SUGP1: variants seen among roughly 807,000 people sequenced by gnomAD.
SUGP1 encodes SURP and G-patch domain-containing protein 1.
SUGP1 carries 34 observed loss-of-function variants against 76.5 expected under a neutral mutation model. That is an observed-to-expected ratio of 0.44 (90% CI 0.34 to 0.59). SUGP1 has a LOEUF of 0.59. SUGP1 is among the 20% of genes least tolerant of loss of function. The pLI is 0.01. For missense variants in SUGP1, 752 were observed against 851.7 expected, an observed-to-expected ratio of 0.88 and a Z score of 1.46; for synonymous variants, 326 against 326.2, an observed-to-expected ratio of 1.00 and a Z score of 0.01.
chr19:19,279,164 A>AG (rs1311518316), intron 10 of SUGP1, 49 bp downstream of exon 10: 4 of 1,512,176 alleles, frequency 2.6e-6, no homozygotes, highest in East Asian at 4.7e-5. Context: ...AGGGCAGGTG[A>AG]GGGGGGCCAT....
chr19:19,289,394 G>A, intron 8 of SUGP1, among the ~76,000 whole-genome samples: 1 of 151,878 alleles, frequency 6.6e-6, no homozygotes, highest in South Asian at 2.1e-4. Context: ...TTGAGGTCAG[G>A]AGTTTGAGAC....
chr19:19,318,858 G>A (rs2061414249), intron 1 of SUGP1, among the ~76,000 whole-genome samples: 1 of 152,132 alleles, frequency 6.6e-6, no homozygotes, highest in Non-Finnish European at 1.5e-5. Flanking sequence ...TTCAGACTAG[G>A]GTGATAGTAT....
intron 2 of SUGP1, among the ~76,000 whole-genome samples, chr19:19,314,101 C>A (rs1027351064): frequency 6.6e-6 from 1 of 151,892 alleles, no homozygotes; most frequent in Non-Finnish European, 1.5e-5. Context: ...CACACCACTG[C>A]ACTCCAGCCT....
rs972276195 is a variant in SUGP1, at chr19:19,305,507, A to G, written c.538+342T>C. ...AAGGGCTCAGCGGAAGAGCCTTAGA[A>G]GCTCCTCCTAGAAGGGATGTGAGGA... is the stretch of plus-strand genomic sequence containing the variant. On this transcript the variant is annotated intron_variant, in intron 4 of 13. Coordinates refer to ENST00000247001, the MANE Select transcript of SUGP1 (RefSeq NM_172231.4). The G allele has an allele frequency of 2.1e-5, 4 of 193,364 alleles. 1 individual carries two copies. In the South Asian group the frequency reaches 5.1e-4, roughly 25 times the overall value. 12.0% of individuals were successfully genotyped at this position (193,364 alleles called of 1,614,324 possible).
In SUGP1 at chr19:19,303,437, T is replaced by C. The variant is rs1481902986; in HGVS notation, c.674A>G (p.Asp225Gly). 20 of 1,614,058 alleles carry C rather than the reference T, an allele frequency of 1.2e-5. No individual in the cohort carries two copies. The highest frequency in any genetic ancestry group is 4.5e-5 in the East Asian group (2 of 44,878). The change falls in exon 6 of 14, where the codon GAT (aspartate) becomes GGT (glycine). Residue 225 changes from aspartate (D) to glycine (G), a missense_variant. By Grantham distance (94) the Asp-to-Gly change is moderately conservative (BLOSUM62 -1). Transcript: ENST00000247001. ...GTAGAGGAATTCCCTGCTATTCTTA[T>C]CGTGCAAAAATCTGGAGAGGAGGAA... ...KDNPAFAFLH[D>G]KNSREFLYYR... is the part of the protein sequence containing the mutation.
intron 8 of SUGP1, chr19:19,280,496 T>C (rs2061090040): frequency 1.8e-6 from 1 of 567,590 alleles, no homozygotes; most frequent in Non-Finnish European, 3.2e-6. Context: ...TCTTACGTCC[T>C]TGTGACCTCT....
At chr19:19,288,044 C>G (rs2061154731) in intron 8 of SUGP1, among the ~76,000 whole-genome samples, 2 of 152,270 alleles carry the variant, frequency 1.3e-5, no homozygotes, top group Admixed American at 6.5e-5. Flanking sequence ...TATATTTTCT[C>G]TTCCTCCCTT....
intron 13 of SUGP1, 91 bp from the exon 14 acceptor site, chr19:19,276,765 C>A: frequency 6.3e-7 from 1 of 1,596,004 alleles, no homozygotes. Context: ...GCAGCTGAGC[C>A]CGCACCCTTG....
intron 2 of SUGP1, among the ~76,000 whole-genome samples, chr19:19,311,107 G>C (rs1050978008): frequency 1.3e-5 from 2 of 149,322 alleles, no homozygotes; most frequent in African/African-American, 5.0e-5. Context: ...GCCTAGGCTG[G>C]TCTTGAACTC....
In SUGP1 at chr19:19,302,235, CGGTCACCTCCCTGGCAG is replaced by C. The variant is rs756839101; in HGVS notation, c.887+13_887+29del. The C allele has an allele frequency of 3.7e-5, 59 of 1,612,366 alleles. No homozygotes were observed. The highest frequency in any genetic ancestry group is 4.8e-5 in the Non-Finnish European group (57 of 1,178,918). ...TGCAGGGGGACTGTGGCCAGGGTGA[CGGTCACCTCCCTGGCAG>C]GGCCCCCCTTACCTGAATGCCTGGT... On this transcript the variant is annotated intron_variant, in intron 7 of 13. Coordinates refer to ENST00000247001, the MANE Select transcript of SUGP1 (RefSeq NM_172231.4).
At chr19:19,277,253 G>A (rs1424612713) in intron 12 of SUGP1, among the ~76,000 whole-genome samples, 177 bp from the exon 13 acceptor site, 2 of 146,968 alleles carry the variant, frequency 1.4e-5, no homozygotes, top group South Asian at 2.2e-4. Context: ...GGGGCGGGCG[G>A]GGGGGGGGGG....
In SUGP1 at chr19:19,276,376, A is replaced by G. The variant is rs757346; in HGVS notation, c.*272T>C. The G allele has an allele frequency of 0.95, 411,102 of 433,184 alleles. 195,286 individuals are homozygous for G. Among genetic ancestry groups the G allele is most frequent in the East Asian group, 1 (23,168 of 23,170 alleles). 26.8% of individuals were successfully genotyped at this position (433,184 alleles called of 1,614,324 possible). ...TTCCAGCTTTACTATGCTGAAAACAACTTTCTTCCTCCCCTCCAGTGCAAC... is the reference window on the plus strand; with the variant it reads ...TTCCAGCTTTACTATGCTGAAAACAGCTTTCTTCCTCCCCTCCAGTGCAAC... On this transcript the variant is annotated 3_prime_UTR_variant, in exon 14 of 14. Transcript: ENST00000247001.
At chr19:19,319,781 A>G (rs2061425723) in intron 1 of SUGP1, among the ~76,000 whole-genome samples, 1 of 151,240 alleles carries the variant, frequency 6.6e-6, no homozygotes, top group Non-Finnish European at 1.5e-5. Flanking sequence ...AGAAGCCTCC[A>G]CTCTGATCAT....
intron 4 of SUGP1, 182 bp from the exon 5 acceptor site, chr19:19,304,029 T>C: frequency 6.3e-7 from 1 of 1,580,488 alleles, no homozygotes; most frequent in Non-Finnish European, 8.6e-7. Context: ...GGTCTCACTG[T>C]CTTGGTGAGA....
chr19:19,295,095 C>T (rs985403193), intron 8 of SUGP1, among the ~76,000 whole-genome samples: 2 of 151,874 alleles, frequency 1.3e-5, no homozygotes, highest in Admixed American at 6.6e-5. Flanking sequence ...CCCAGGAGTT[C>T]GAGATCAGCC....
At chr19:19,300,360 G>C (rs1247998609) in intron 7 of SUGP1, among the ~76,000 whole-genome samples, 1 of 151,662 alleles carries the variant, frequency 6.6e-6, no homozygotes, top group Non-Finnish European at 1.5e-5. Context: ...ACAGGCGTGA[G>C]CCACCGCACC....
intron 2 of SUGP1, among the ~76,000 whole-genome samples, chr19:19,313,223 G>A (rs1015377840): frequency 2.0e-5 from 3 of 151,086 alleles, no homozygotes; most frequent in Non-Finnish European, 3.0e-5. Flanking sequence ...ATGAAACCCC[G>A]TCTCTACTAA....
intron 2 of SUGP1, among the ~76,000 whole-genome samples, chr19:19,314,354 T>TA (rs967012272): frequency 6.1e-4 from 92 of 151,360 alleles, no homozygotes; most frequent in Middle Eastern, 6.8e-3. Flanking sequence ...TAAATAAAAT[T>TA]AAAAAAAACA....
At chr19:19,304,017 T>C (rs762265307) in intron 4 of SUGP1, 170 bp from the exon 5 acceptor site, 2 of 1,586,700 alleles carry the variant, frequency 1.3e-6, no homozygotes, top group Non-Finnish European at 1.7e-6. Context: ...GAGGGGGGAG[T>C]CGGTCTCACT....
Sources: allele counts gnomAD v4.1 joint callset (sites outside exome capture counted in the v4.1 genomes callset), GRCh38; gene constraint gnomAD v4.1.1; transcripts MANE v1.5; gene names NCBI Gene and HGNC (gene_info 2026-07-23, HGNC 2026-07-21).